Variants in IMMP2L observed in about 807,000 individuals in gnomAD.
IMMP2L encodes inner mitochondrial membrane peptidase subunit 2.
In IMMP2L, 18 loss-of-function variants were observed where a neutral mutation model predicts 19.3. The ratio of observed to expected loss-of-function variants is 0.93; its 90% CI spans 0.64 to 1.38. The LOEUF (loss-of-function observed/expected upper bound fraction) is 1.38. IMMP2L is among the 40% of genes most tolerant of loss of function. The pLI is 0.00. For synonymous variants in IMMP2L, 76 were observed against 73.0 expected (o/e 1.04, Z -0.21); for missense variants, 233 against 218.2 (o/e 1.07, Z -0.43).
At chr7:111,276,364 G>A (rs1819052765) in intron 3 of IMMP2L, among the ~76,000 whole-genome samples, 1 of 152,020 alleles carries the variant, frequency 6.6e-6, no homozygotes. Context: ...TTTTGTTGAG[G>A]ATTTTGTGTC....
At chr7:111,364,389 G>GTATA (rs1207745519) in intron 3 of IMMP2L, among the ~76,000 whole-genome samples, 1 of 151,796 alleles carries the variant, frequency 6.6e-6, no homozygotes, top group Non-Finnish European at 1.5e-5. Context: ...GTATACATAC[G>GTATA]TATATAGAGC....
chr7:111,558,086 T>C (rs988029499), intron 1 of IMMP2L, among the ~76,000 whole-genome samples: 1 of 152,020 alleles, frequency 6.6e-6, no homozygotes, highest in Non-Finnish European at 1.5e-5. Flanking sequence ...AAGTAGACAT[T>C]AAGAAGGTAA....
intron 4 of IMMP2L, among the ~76,000 whole-genome samples, chr7:110,910,933 T>C (rs1302882700): frequency 1.3e-5 from 2 of 152,276 alleles, no homozygotes; most frequent in East Asian, 3.9e-4. Flanking sequence ...TGTATGTTAA[T>C]GTTATTGTGA....
At chr7:111,542,138 G>C (rs750746497) in intron 1 of IMMP2L, among the ~76,000 whole-genome samples, 5 of 151,892 alleles carry the variant, frequency 3.3e-5, no homozygotes, top group Non-Finnish European at 5.9e-5. Context: ...GGTATAGTAA[G>C]GTTTTGTTTC....
At chr7:110,875,928 A>G (rs1809015041) in intron 5 of IMMP2L, among the ~76,000 whole-genome samples, 1 of 152,130 alleles carries the variant, frequency 6.6e-6, no homozygotes, top group Admixed American at 6.6e-5. Context: ...CCTAATTTAA[A>G]TTGACAATAT....
At chr7:111,257,989 T>A (rs1168121161) in intron 3 of IMMP2L, among the ~76,000 whole-genome samples, 1 of 151,808 alleles carries the variant, frequency 6.6e-6, no homozygotes, top group Non-Finnish European at 1.5e-5. Flanking sequence ...TGTCTATGTG[T>A]TTTCATTGTT....
intron 3 of IMMP2L, among the ~76,000 whole-genome samples, chr7:111,203,515 A>C (rs1039341166): frequency 6.6e-6 from 1 of 151,980 alleles, no homozygotes; most frequent in Non-Finnish European, 1.5e-5. Context: ...AATAAAAAAG[A>C]AATAATGTTT....
At chr7:111,217,069 A>T (rs889369204) in intron 3 of IMMP2L, among the ~76,000 whole-genome samples, 3 of 146,854 alleles carry the variant, frequency 2.0e-5, no homozygotes, top group Non-Finnish European at 3.0e-5. Flanking sequence ...GACATTCCTC[A>T]TCTTCTGATC....
intron 4 of IMMP2L, among the ~76,000 whole-genome samples, chr7:110,909,038 G>A (rs1038860796): frequency 2.6e-5 from 4 of 152,178 alleles, no homozygotes; most frequent in Non-Finnish European, 4.4e-5. Flanking sequence ...ATATGACCTA[G>A]TCTGAGATAG....
At chr7:111,268,648 A>G in intron 3 of IMMP2L, among the ~76,000 whole-genome samples, 1 of 119,648 alleles carries the variant, frequency 8.4e-6, no homozygotes, top group Non-Finnish European at 1.6e-5. Flanking sequence ...ACTGGAATGC[A>G]GTGGCATGAA....
At chr7:111,364,435 T>C (rs1471117382) in intron 3 of IMMP2L, among the ~76,000 whole-genome samples, 1 of 152,112 alleles carries the variant, frequency 6.6e-6, no homozygotes, top group East Asian at 1.9e-4. Context: ...ACATAATGTG[T>C]CTTAGTCACA....
At position 111,054,669 on chromosome 7, in the gene IMMP2L, T is replaced by C. The variant is rs534625212; in HGVS notation, c.240-91104A>G. Among the ~76,000 whole-genome samples the C allele has an allele frequency of 5.9e-5, 9 of 152,340 alleles. No individual in the cohort carries two copies. The South Asian group carries it at 1.9e-3, about 32-fold the overall frequency. On this transcript the variant is annotated intron_variant, in intron 3 of 5. Coordinates refer to ENST00000405709, the MANE Select transcript of IMMP2L (RefSeq NM_032549.4). The stretch of plus-strand genomic sequence containing the variant: ...AATGCCTTCTTCAGTATGGAAAATA[T>C]GGTCAGAGGAACATCAAACTCTGCC...
At chr7:111,518,273 T>C (rs1447921164) in intron 2 of IMMP2L, among the ~76,000 whole-genome samples, 1 of 152,102 alleles carries the variant, frequency 6.6e-6, no homozygotes, top group Non-Finnish European at 1.5e-5. Context: ...CGAAAAACAA[T>C]TCTTACAGCA....
chr7:110,790,345 A>G (rs1454761099), intron 5 of IMMP2L, among the ~76,000 whole-genome samples: 1 of 151,722 alleles, frequency 6.6e-6, no homozygotes. Context: ...AAGAAACTGA[A>G]GGGCATTTGA....
chr7:111,313,477 C>T (rs530011916), intron 3 of IMMP2L, among the ~76,000 whole-genome samples: 2 of 152,168 alleles, frequency 1.3e-5, no homozygotes, highest in Admixed American at 6.5e-5. Flanking sequence ...TATCTTCTAA[C>T]CATTTATAAA....
At chr7:111,340,175 A>G (rs1318382410) in intron 3 of IMMP2L, among the ~76,000 whole-genome samples, 1 of 152,068 alleles carries the variant, frequency 6.6e-6, no homozygotes, top group Non-Finnish European at 1.5e-5. Flanking sequence ...TGTAGCATAC[A>G]CAGTGCAAAA....
chr7:111,345,283 T>A (rs1827426041), intron 3 of IMMP2L, among the ~76,000 whole-genome samples: 3 of 152,108 alleles, frequency 2.0e-5, no homozygotes, highest in African/African-American at 4.8e-5. Context: ...CTATTTTAGT[T>A]GTGCTTCATT....
At chr7:111,471,326 T>C (rs1735921816) in intron 3 of IMMP2L, among the ~76,000 whole-genome samples, 1 of 152,128 alleles carries the variant, frequency 6.6e-6, no homozygotes, top group Admixed American at 6.6e-5. Flanking sequence ...TGCAAGTCTC[T>C]GTCATTATTG....
chr7:111,128,126 A>C (rs1801495745), intron 3 of IMMP2L, among the ~76,000 whole-genome samples: 1 of 152,188 alleles, frequency 6.6e-6, no homozygotes, highest in Admixed American at 6.5e-5. Flanking sequence ...ACTACACACA[A>C]ACATAAGTTT....
Sources: gnomAD v4.1 joint callset for allele counts (sites outside exome capture counted in the v4.1 genomes callset) on GRCh38, gnomAD v4.1.1 for gene constraint, MANE v1.5 for transcripts, NCBI Gene and HGNC (gene_info 2026-07-23, HGNC 2026-07-21) for gene names.